Variants in LEO1 observed in about 807,000 individuals in gnomAD.
The protein encoded by LEO1 is LEO1 component of Paf1/RNA polymerase II complex.
A neutral mutation model predicts 80.4 loss-of-function variants in LEO1; 34 were observed. That is an observed-to-expected ratio of 0.42 (90% CI 0.32 to 0.56). The LOEUF (loss-of-function observed/expected upper bound fraction) is 0.56, where lower values mean the gene tolerates loss of function less well. Among genes scored for constraint, LEO1 ranks in the 20% least tolerant of loss-of-function variants. LEO1 has a pLI of 0.10. For missense variants in LEO1, 631 were observed against 814.2 expected (o/e 0.77, Z 2.74); for synonymous variants, 262 against 274.9 (o/e 0.95, Z 0.46).
At chr15:51,944,152 C>T (rs1354879845) in intron 11 of LEO1, among the ~76,000 whole-genome samples, 1 of 152,104 alleles carries the variant, frequency 6.6e-6, no homozygotes, top group Non-Finnish European at 1.5e-5. Flanking sequence ...GAACCACGTG[C>T]AGATACATCA....
At chr15:51,961,352 A>AGGTGGTGGTGGTGGTGGTGGT (rs367548538) in intron 3 of LEO1, among the ~76,000 whole-genome samples, 46 of 139,968 alleles carry the variant, frequency 3.3e-4, no homozygotes, top group African/African-American at 1.2e-3. Flanking sequence ...TTATAATACC[A>AGGTGGTGGTGGTGGTGGTGGT]GGTGGTGGTG....
intron 7 of LEO1, among the ~76,000 whole-genome samples, chr15:51,954,175 G>A (rs988770945): frequency 2.7e-5 from 4 of 150,728 alleles, no homozygotes; most frequent in East Asian, 2.0e-4. Flanking sequence ...CACCCACCTC[G>A]GCCTCCCAAA....
chr15:51,962,329 C>T, intron 3 of LEO1, 60 bp downstream of exon 3: 1 of 1,134,534 alleles, frequency 8.8e-7, no homozygotes, highest in Non-Finnish European at 1.3e-6. Context: ...TAGAAATGCA[C>T]TACAGTTAAA....
Position 51,949,890 on chromosome 15 carries a change from A to T in LEO1, c.1716T>A (p.Pro572=), listed in dbSNP as rs1566881926. ...QRGLSASYLE[P]DRYDEEEEGE... is the part of the protein sequence containing the mutation. ...CTTCCTCCTCCTCATCGTATCGATC[A>T]GGTTCCAGGTAACTGGCGCTCAGCC... Residue 572 remains proline, a synonymous_variant, in exon 10 of 12, where the codon CCT becomes CCA. Transcript: ENST00000299601. 1 of 1,614,050 alleles carries T rather than the reference A, an allele frequency of 6.2e-7. No individual in the cohort carries two copies. The highest frequency in any genetic ancestry group is 1.7e-5 in the Admixed American group (1 of 60,008).
intron 11 of LEO1, among the ~76,000 whole-genome samples, chr15:51,940,834 G>A (rs562745021): frequency 4.0e-5 from 6 of 151,778 alleles, no homozygotes; most frequent in South Asian, 2.1e-4. Context: ...GTGGTGGCTC[G>A]TGCCTATAAT....
intron 3 of LEO1, among the ~76,000 whole-genome samples, chr15:51,961,202 G>A (rs2057027371): frequency 6.6e-6 from 1 of 152,124 alleles, no homozygotes; most frequent in Admixed American, 6.6e-5. Flanking sequence ...GACCAACATG[G>A]TGAAACCCCG....
At position 51,947,314 on chromosome 15, in the gene LEO1, G is replaced by A. The variant is rs747688078; in HGVS notation, c.1874C>T (p.Ala625Val). The change falls in exon 11 of 12, where the codon GCA becomes GTA. Residue 625 changes from alanine to valine, a missense_variant. Around this residue, in one of 4 missense-constraint regions of LEO1, gnomAD observed 117 missense variants for 163.5 expected, o/e 0.72. Transcript: ENST00000299601. ...EEDKAQRLLK[A>V]KKLTSDEEGE... Reference sequence around the variant, plus strand: ...TACCTCATCACTGGTAAGTTTCTTTGCTTTGAGTAATCTTTGAGCTTTATC... The same window carrying A: ...TACCTCATCACTGGTAAGTTTCTTTACTTTGAGTAATCTTTGAGCTTTATC... 1.2e-6 allele frequency: 2 copies of A among 1,612,770 alleles called. No homozygotes were observed. The highest frequency in any genetic ancestry group is 2.2e-5 in the South Asian group (2 of 91,048).
chr15:51,945,148 G>A (rs750545372), intron 11 of LEO1, among the ~76,000 whole-genome samples: 2 of 151,750 alleles, frequency 1.3e-5, no homozygotes, highest in Non-Finnish European at 2.9e-5. Context: ...CCATCGCAGT[G>A]GCTTATGCCT....
chr15:51,949,804 T>A lies in LEO1; in HGVS notation c.1798+4A>T. ...ATGAAATGTAATTTCCATACACGAC[T>A]CACCTCGAATGCCCCCTTTATATCG... is the stretch of plus-strand genomic sequence containing the variant. On this transcript the variant is annotated splice_donor_region_variant and intron_variant, in intron 10 of 11. Coordinates refer to ENST00000299601, the MANE Select transcript of LEO1 (RefSeq NM_138792.4). The A allele has an allele frequency of 6.2e-7, 1 of 1,611,612 alleles. No individual in the cohort carries two copies. The highest frequency in any genetic ancestry group is 8.5e-7 in the Non-Finnish European group (1 of 1,178,936).
At chr15:51,955,356 A>T (rs1277233676) in intron 6 of LEO1, among the ~76,000 whole-genome samples, 4 of 152,236 alleles carry the variant, frequency 2.6e-5, no homozygotes, top group African/African-American at 9.6e-5. Flanking sequence ...AACTTCCCAT[A>T]TATGAATAAG....
At chr15:51,962,934 C>CG (rs200011965) in intron 2 of LEO1, among the ~76,000 whole-genome samples, 1 of 150,266 alleles carries the variant, frequency 6.7e-6, no homozygotes, top group African/African-American at 2.4e-5. Context: ...TGCCCCCCCC[C>CG]CAAAAAATTA....
At chr15:51,970,019 G>C (rs1386754818) in intron 1 of LEO1, among the ~76,000 whole-genome samples, 1 of 152,000 alleles carries the variant, frequency 6.6e-6, no homozygotes, top group African/African-American at 2.4e-5. Context: ...CATTGCTGGT[G>C]GTAATGTAAA....
Position 51,966,302 on chromosome 15 carries a change from T to C in LEO1, c.261A>G (p.Arg87=), listed in dbSNP as rs1387584493. 2 of 1,614,160 alleles carry C rather than the reference T, an allele frequency of 1.2e-6. No individual in the cohort carries two copies. Among genetic ancestry groups the C allele is most frequent in the Non-Finnish European group, 1.7e-6 (2 of 1,180,024 alleles). The change falls in exon 2 of 12, where the codon AGA becomes AGG. Residue 87 remains arginine, a synonymous_variant. Coordinates refer to ENST00000299601, the MANE Select transcript of LEO1 (RefSeq NM_138792.4). ...SDNHSERSDN[R]SEASERSDHE... ...GGTCAGAACGCTCAGAAGCTTCTGA[T>C]CTATTGTCTGATCTTTCAGAGTGAT...
At chr15:51,968,784 G>C (rs1452232249) in intron 1 of LEO1, among the ~76,000 whole-genome samples, 1 of 151,572 alleles carries the variant, frequency 6.6e-6, no homozygotes, top group Non-Finnish European at 1.5e-5. Flanking sequence ...AGCCGAGATT[G>C]CGCCACTGCA....
intron 11 of LEO1, among the ~76,000 whole-genome samples, chr15:51,944,891 T>A (rs1259147002): frequency 1.3e-5 from 2 of 152,212 alleles, no homozygotes; most frequent in Non-Finnish European, 2.9e-5. Context: ...AAGATTTCAG[T>A]GGTAGAAGCA....
At chr15:51,966,749 A>G (rs2057081231) in intron 1 of LEO1, among the ~76,000 whole-genome samples, 1 of 152,012 alleles carries the variant, frequency 6.6e-6, no homozygotes, top group African/African-American at 2.4e-5. Context: ...TGTCTCTACT[A>G]AAAATACAAA....
intron 1 of LEO1, among the ~76,000 whole-genome samples, chr15:51,968,271 G>A (rs1031627435): frequency 1.9e-4 from 29 of 149,494 alleles, no homozygotes; most frequent in Non-Finnish European, 4.0e-4. Context: ...GGCTGGGTGC[G>A]GTGGCTCATG....
At chr15:51,953,106 T>C (rs904375636) in intron 8 of LEO1, 23 bp downstream of exon 8, 7 of 1,591,668 alleles carry the variant, frequency 4.4e-6, no homozygotes, top group Non-Finnish European at 6.0e-6. Context: ...TAAGAAATAA[T>C]ACATAATAAT....
At chr15:51,952,021 T>G in intron 8 of LEO1, 42 bp from the exon 9 acceptor site, 1 of 1,565,316 alleles carries the variant, frequency 6.4e-7, no homozygotes. Context: ...GTTTACCAAA[T>G]ACATTTGTGA....
Sources: gnomAD v4.1 joint callset for allele counts (sites outside exome capture counted in the v4.1 genomes callset) on GRCh38, gnomAD v4.1.1 for gene constraint, gnomAD v4.1.1 regional missense constraint, MANE v1.5 for transcripts, NCBI Gene and HGNC (gene_info 2026-07-23, HGNC 2026-07-21) for gene names.